Variants in LAMB1 observed in about 807,000 individuals in gnomAD.
The protein encoded by LAMB1 is laminin subunit beta-1.
LAMB1 carries 121 observed loss-of-function variants against 222.3 expected under a neutral mutation model. The observed-to-expected ratio is 0.54, with a 90% CI of 0.47 to 0.63. LAMB1 has a LOEUF of 0.63. Ranked by LOEUF, LAMB1 falls within the 30% of genes least tolerant of loss-of-function variation. The probability of loss-of-function intolerance (pLI) is 0.00; values close to 1 mark genes in which losing one functional copy is unlikely to be tolerated. For missense variants in LAMB1, 2,172 were observed against 2,240.8 expected (o/e 0.97, Z 0.62); for synonymous variants, 794 against 807.2 (o/e 0.98, Z 0.28).
At chr7:107,996,480 G>A (rs186321916) in intron 4 of LAMB1, among the ~76,000 whole-genome samples, 1 of 152,280 alleles carries the variant, frequency 6.6e-6, no homozygotes, top group East Asian at 1.9e-4. Flanking sequence ...CACAACTTGT[G>A]CACAACACAC....
chr7:107,989,171 A>T (rs1584536349), intron 5 of LAMB1, among the ~76,000 whole-genome samples: 1 of 152,350 alleles, frequency 6.6e-6, no homozygotes, highest in Middle Eastern at 3.4e-3. Flanking sequence ...AGGAGGGTGT[A>T]GTGAACAGGG....
intron 24 of LAMB1, among the ~76,000 whole-genome samples, chr7:107,946,367 A>C (rs1322655593): frequency 6.6e-6 from 1 of 152,228 alleles, no homozygotes; most frequent in Non-Finnish European, 1.5e-5. Context: ...TGGGAGATGA[A>C]TATAATTTTA....
intron 8 of LAMB1, 64 bp from the exon 9 acceptor site, chr7:107,978,231 T>G: frequency 6.4e-7 from 1 of 1,560,128 alleles, no homozygotes; most frequent in Non-Finnish European, 8.8e-7. Flanking sequence ...CGTTTCTCCA[T>G]AATCAATTGA....
At position 107,964,375 on chromosome 7, in the gene LAMB1, T is replaced by C. The variant is rs1159457710; in HGVS notation, c.1698+177A>G. 3.3e-5 allele frequency among the ~76,000 whole-genome samples: 5 copies of C among 152,238 alleles called. No individual in the cohort carries two copies. In the East Asian group the frequency reaches 7.7e-4, roughly 23 times the overall value. On this transcript the variant is annotated intron_variant, in intron 14 of 33. Coordinates refer to ENST00000222399, the MANE Select transcript of LAMB1 (RefSeq NM_002291.3). ...TGCTCCAAAGCCAATTTGTGAGTTA[T>C]AGAATTACTTAGCTTTAAATATGAC...
chr7:108,002,919 G>A lies in LAMB1; in HGVS notation c.-34C>T, dbSNP rs1339749838. 10 of 1,612,760 alleles carry A rather than the reference G, an allele frequency of 6.2e-6. No homozygotes were observed. In the South Asian group the frequency reaches 8.8e-5, roughly 14 times the overall value. ...CCTGCAGCCACGGGGACGCGGCAGA[G>A]GAGTGGAGAAGACGCCCGCCGAGCC... On this transcript the variant is annotated 5_prime_UTR_variant, in exon 2 of 34. Coordinates refer to ENST00000222399, the MANE Select transcript of LAMB1 (RefSeq NM_002291.3).
intron 13 of LAMB1, 82 bp downstream of exon 13, chr7:107,972,910 A>C (rs2033777216): frequency 1.8e-6 from 2 of 1,102,314 alleles, no homozygotes; most frequent in South Asian, 2.5e-5. Context: ...CTTTTTGAGA[A>C]ACAACTGAAT....
intron 2 of LAMB1, chr7:108,002,093 G>A: frequency 1.4e-6 from 2 of 1,471,106 alleles, no homozygotes; most frequent in Non-Finnish European, 1.8e-6. Flanking sequence ...CCGGAGCCCG[G>A]CGCAGGGAGG....
At chr7:107,979,655 A>G (rs577246250) in intron 8 of LAMB1, among the ~76,000 whole-genome samples, 1 of 152,332 alleles carries the variant, frequency 6.6e-6, no homozygotes, top group South Asian at 2.1e-4. Flanking sequence ...CCCAAATTTC[A>G]AAATGTACAT....
chr7:107,930,184 G>A (rs550637752), intron 29 of LAMB1, among the ~76,000 whole-genome samples: 3 of 152,166 alleles, frequency 2.0e-5, no homozygotes, highest in East Asian at 1.9e-4. Flanking sequence ...CAGGAGAACC[G>A]GAATAATGGG....
At chr7:107,939,908 C>G in intron 25 of LAMB1, 81 bp downstream of exon 25, 1 of 1,473,708 alleles carries the variant, frequency 6.8e-7, no homozygotes, top group African/African-American at 1.4e-5. Flanking sequence ...GATGGAAGCA[C>G]CATGCCAGGA....
At chr7:107,965,378 G>C (rs1408603917) in intron 13 of LAMB1, among the ~76,000 whole-genome samples, 2 of 152,100 alleles carry the variant, frequency 1.3e-5, no homozygotes, top group African/African-American at 4.8e-5. Flanking sequence ...TTGGGAGTTC[G>C]AGACCAGCCT....
chr7:107,966,359 T>C (rs1395989426), intron 13 of LAMB1, among the ~76,000 whole-genome samples: 2 of 151,944 alleles, frequency 1.3e-5, no homozygotes, highest in African/African-American at 4.8e-5. Context: ...TATAGGCGAC[T>C]GCCACCATGC....
chr7:108,000,091 A>ATT (rs2034354574), intron 3 of LAMB1: 2 of 152,170 alleles, frequency 1.3e-5, no homozygotes, highest in African/African-American at 2.4e-5. Context: ...AAGTGTTAGC[A>ATT]TAATATTGTA....
At chr7:107,954,269 T>C (rs1346756341) in intron 21 of LAMB1, among the ~76,000 whole-genome samples, 1 of 151,990 alleles carries the variant, frequency 6.6e-6, no homozygotes, top group Non-Finnish European at 1.5e-5. Flanking sequence ...ATTCTCCCAC[T>C]TCAGCTTTCC....
intron 13 of LAMB1, among the ~76,000 whole-genome samples, chr7:107,967,803 T>C (rs2033664635): frequency 6.6e-6 from 1 of 152,080 alleles, no homozygotes; most frequent in African/African-American, 2.4e-5. Context: ...ACAGTCTAAT[T>C]GGGGATAAAC....
In LAMB1 at chr7:107,962,965, A is replaced by C; in HGVS notation, c.1797T>G (p.Phe599Leu). 1 of 1,614,110 alleles carries C rather than the reference A, an allele frequency of 6.2e-7. No homozygotes were observed. The highest frequency in any genetic ancestry group is 8.5e-7 in the Non-Finnish European group (1 of 1,179,992). Residue 599 changes from phenylalanine to leucine, a missense_variant, in exon 15 of 34, where the codon TTT (phenylalanine) becomes TTG (leucine). Coordinates refer to ENST00000222399, the MANE Select transcript of LAMB1 (RefSeq NM_002291.3). Reference protein sequence around the residue: ...VRVPEGAYLEFFIDNIPYSME... With the variant: ...VRVPEGAYLELFIDNIPYSME... ...TGGAATATGGTATGTTGTCAATGAA[A>C]AACTCCAAATAAGCCCCTTCAGGCA...
rs138891203 is a variant in LAMB1 at position 107,961,668 on chromosome 7, G to A, written c.1866C>T (p.Asp622=). ...CTGTGATGACAGCTTTTTCCCAGTG[G>A]TCGGGTAGCTAGAATAAGAAACAAA... The part of the protein sequence containing the change: ...ILIRYEPQLP[D]HWEKAVITVQ... Residue 622 remains aspartate (D), a synonymous_variant, in exon 16 of 34, where the codon GAC becomes GAT. Transcript: ENST00000222399. The A allele has an allele frequency of 2.5e-6, 4 of 1,613,176 alleles. No individual in the cohort carries two copies. The highest frequency in any genetic ancestry group is 3.4e-6 in the Non-Finnish European group (4 of 1,179,222).
intron 23 of LAMB1, among the ~76,000 whole-genome samples, 186 bp downstream of exon 23, chr7:107,951,823 A>T: frequency 6.6e-6 from 1 of 152,170 alleles, no homozygotes; most frequent in Non-Finnish European, 1.5e-5. Context: ...AATGCTATGG[A>T]TGTGTCTGAT....
chr7:107,974,877 A>C, intron 12 of LAMB1, 109 bp downstream of exon 12: 2 of 679,370 alleles, frequency 2.9e-6, no homozygotes, highest in Non-Finnish European at 5.3e-6. Flanking sequence ...ATGTCTTTTA[A>C]CACGTACACG....
Sources: allele counts gnomAD v4.1 joint callset (sites outside exome capture counted in the v4.1 genomes callset), GRCh38; gene constraint gnomAD v4.1.1; transcripts MANE v1.5; gene names NCBI Gene and HGNC (gene_info 2026-07-23, HGNC 2026-07-21).